Variants in TMEM131 observed in about 807,000 individuals in gnomAD.
TMEM131 encodes transmembrane protein 131, also known as 2610524E03Rik.
In TMEM131, 66 loss-of-function variants were observed where a neutral mutation model predicts 211.6. That is an observed-to-expected ratio of 0.31 (90% CI 0.26 to 0.38). The LOEUF is 0.38. TMEM131 is among the 10% of genes least tolerant of loss of function. The pLI is 1.00. For missense variants in TMEM131, 2,036 were observed against 2,299.3 expected (o/e 0.89, Z 2.34); for synonymous variants, 844 against 841.3 (o/e 1.00, Z -0.06).
intron 1 of TMEM131, among the ~76,000 whole-genome samples, chr2:97,957,454 A>G (rs1678622935): frequency 6.6e-6 from 1 of 152,170 alleles, no homozygotes; most frequent in Admixed American, 6.5e-5. Context: ...ATTTTAATGT[A>G]CTTCTAGTCT....
intron 1 of TMEM131, among the ~76,000 whole-genome samples, chr2:97,974,854 A>G (rs1248699196): frequency 1.3e-5 from 2 of 152,218 alleles, no homozygotes; most frequent in Non-Finnish European, 2.9e-5. Context: ...AAAATCCTTC[A>G]GGCAGAAGGA....
intron 21 of TMEM131, 67 bp downstream of exon 21, chr2:97,805,309 C>T (rs1309204703): frequency 5.7e-6 from 9 of 1,568,710 alleles, no homozygotes; most frequent in African/African-American, 1.4e-5. Context: ...TTAAAAGTGG[C>T]GGCCTCTTAC....
At chr2:97,902,337 G>C (rs1573534329) in intron 3 of TMEM131, among the ~76,000 whole-genome samples, 1 of 152,082 alleles carries the variant, frequency 6.6e-6, no homozygotes, top group Non-Finnish European at 1.5e-5. Context: ...TAACAATTTT[G>C]AAACTAATTT....
intron 2 of TMEM131, among the ~76,000 whole-genome samples, chr2:97,924,066 C>G (rs1000024284): frequency 6.7e-6 from 1 of 149,458 alleles, no homozygotes; most frequent in Admixed American, 6.7e-5. Context: ...GGTGACAGAG[C>G]GAGACCCCAT....
chr2:97,784,943 A>C (rs1680180773), intron 31 of TMEM131, among the ~76,000 whole-genome samples: 1 of 152,102 alleles, frequency 6.6e-6, no homozygotes, highest in Non-Finnish European at 1.5e-5. Context: ...ATTCCTATAG[A>C]CCCTACAGAC....
chr2:97,928,654 C>T (rs1234143022), intron 1 of TMEM131, among the ~76,000 whole-genome samples: 1 of 151,692 alleles, frequency 6.6e-6, no homozygotes, highest in East Asian at 1.9e-4. Flanking sequence ...GCAAAAGAAA[C>T]CATACACACG....
chr2:97,757,270 T>G lies in TMEM131; in HGVS notation c.5481A>C (p.Ala1827=). 1 of 1,613,858 alleles carries G rather than the reference T, an allele frequency of 6.2e-7. No homozygotes were observed. Residue 1827 remains alanine, a synonymous_variant, in exon 41 of 41, where the codon GCA becomes GCC. Coordinates refer to ENST00000186436, the MANE Select transcript of TMEM131 (RefSeq NM_015348.2). ...LPFTTPANTL[A]SIGLMGTENS... is the part of the protein sequence containing the mutation. ...TTTCTGTGCCCATGAGGCCGATGCT[T>G]GCCAGCGTGTTTGCTGGAGTGGTGA...
At chr2:97,882,487 T>G (rs1023546597) in intron 4 of TMEM131, among the ~76,000 whole-genome samples, 1 of 152,232 alleles carries the variant, frequency 6.6e-6, no homozygotes, top group Non-Finnish European at 1.5e-5. Flanking sequence ...CAAAGAAAGC[T>G]TAGGCCCTGT....
chr2:97,991,887 A>G (rs1259945157), intron 1 of TMEM131, among the ~76,000 whole-genome samples: 1 of 152,236 alleles, frequency 6.6e-6, no homozygotes, highest in Admixed American at 6.5e-5. Context: ...CTACTCCCAA[A>G]GCAATCTTGT....
In TMEM131 at chr2:97,812,761, T is replaced by A. The variant is rs1351557560; in HGVS notation, c.1618-12A>T. The stretch of plus-strand genomic sequence containing the variant: ...GGCAATACAAAGTACTGGAAAGATA[T>A]AAAAGAACCAGATTAAAAAAAAGTC... On this transcript the variant is annotated splice_polypyrimidine_tract_variant and intron_variant, in intron 15 of 40. Transcript: ENST00000186436. 2.8e-6 allele frequency: 4 copies of A among 1,419,430 alleles called. No individual in the cohort carries two copies. The highest frequency in any genetic ancestry group is 3.8e-6 in the Non-Finnish European group (4 of 1,040,426). The allele number at this position is 1,419,430 out of a possible 1,614,324, so 87.9% of individuals were successfully genotyped here.
chr2:97,995,473 C>A lies in TMEM131; in HGVS notation c.187+3G>T, dbSNP rs1305858276. 3.6e-6 allele frequency: 5 copies of A among 1,402,740 alleles called. No homozygotes were observed. Among genetic ancestry groups the A allele is most frequent in the South Asian group, 1.5e-5 (1 of 65,376 alleles). 86.9% of individuals were successfully genotyped at this position (1,402,740 alleles called of 1,614,324 possible). A position where few individuals can be genotyped will look rare whatever the true frequency, so the allele number is the denominator to read the frequency against. On this transcript the variant is annotated splice_donor_region_variant and intron_variant, in intron 1 of 40. Transcript: ENST00000186436. The stretch of plus-strand genomic sequence containing the variant: ...CGCAGGGACGCCGCCGGGGGACACC[C>A]ACCTTCCTTCTCGGCCCGCGCCGCA...
At chr2:97,859,248 A>G in intron 5 of TMEM131, 56 bp downstream of exon 5, 2 of 1,524,488 alleles carry the variant, frequency 1.3e-6, no homozygotes, top group Non-Finnish European at 1.8e-6. Flanking sequence ...ATCAATAAAA[A>G]TCTAGACATT....
chr2:97,946,248 AAG>A (rs1403094778), intron 1 of TMEM131, among the ~76,000 whole-genome samples: 2 of 152,080 alleles, frequency 1.3e-5, no homozygotes, highest in African/African-American at 4.8e-5. Context: ...TTAATAAAAA[AAG>A]AAAAGAAATA....
chr2:97,778,871 TTC>T (rs371771630), intron 31 of TMEM131, among the ~76,000 whole-genome samples: 2 of 152,322 alleles, frequency 1.3e-5, no homozygotes, highest in East Asian at 1.9e-4. Context: ...TTGGAGCTTT[TTC>T]TCTTTTTCCT....
At chr2:97,886,855 G>A (rs1675182152) in intron 4 of TMEM131, among the ~76,000 whole-genome samples, 1 of 152,244 alleles carries the variant, frequency 6.6e-6, no homozygotes, top group Non-Finnish European at 1.5e-5. Context: ...GTGGATTTAT[G>A]TCACAGAGTT....
At chr2:97,973,698 A>G (rs549814522) in intron 1 of TMEM131, among the ~76,000 whole-genome samples, 1 of 152,302 alleles carries the variant, frequency 6.6e-6, no homozygotes, top group East Asian at 1.9e-4. Context: ...CCACCATTCA[A>G]ACAGGGTCAG....
chr2:97,815,836 T>C (rs906462605), intron 12 of TMEM131, among the ~76,000 whole-genome samples: 13 of 152,158 alleles, frequency 8.5e-5, no homozygotes, highest in Non-Finnish European at 1.5e-4. Context: ...ACACTTGAAC[T>C]GAGAAAGAAA....
chr2:97,961,207 A>G (rs988351665), intron 1 of TMEM131, among the ~76,000 whole-genome samples: 1 of 152,064 alleles, frequency 6.6e-6, no homozygotes, highest in African/African-American at 2.4e-5. Context: ...TATCAATTAC[A>G]TTTCTATATA....
chr2:97,893,362 G>A (rs924893812), intron 3 of TMEM131, among the ~76,000 whole-genome samples: 2 of 152,174 alleles, frequency 1.3e-5, no homozygotes, highest in Non-Finnish European at 1.5e-5. Context: ...ATGTGTGCAT[G>A]TGTCTTTATA....
Sources: gnomAD v4.1 joint callset for allele counts (sites outside exome capture counted in the v4.1 genomes callset) on GRCh38, gnomAD v4.1.1 for gene constraint, MANE v1.5 for transcripts, NCBI Gene and HGNC (gene_info 2026-07-23, HGNC 2026-07-21) for gene names.